Variants in SEMA6D observed in about 807,000 individuals in gnomAD.
The protein encoded by SEMA6D is semaphorin-6D.
In SEMA6D, 35 loss-of-function variants were observed where a neutral mutation model predicts 106.6. The ratio of observed to expected loss-of-function variants is 0.33; its 90% CI spans 0.25 to 0.44. The LOEUF is 0.44. Among genes scored for constraint, SEMA6D ranks in the 20% least tolerant of loss-of-function variants. The pLI, the probability that SEMA6D is intolerant of heterozygous loss-of-function variation, is 1.00. For synonymous variants in SEMA6D, 499 were observed against 487.7 expected (o/e 1.02, Z -0.31); for missense variants, 1,185 against 1,345.9 (o/e 0.88, Z 1.87).
intron 3 of SEMA6D, among the ~76,000 whole-genome samples, chr15:47,548,635 G>A (rs2045593576): frequency 6.6e-6 from 1 of 152,172 alleles, no homozygotes; most frequent in Non-Finnish European, 1.5e-5. Flanking sequence ...TGCAGAATGA[G>A]AGAATCCCCT....
intron 2 of SEMA6D, among the ~76,000 whole-genome samples, chr15:47,417,222 T>C (rs1242105679): frequency 1.3e-5 from 2 of 152,064 alleles, no homozygotes; most frequent in Non-Finnish European, 2.9e-5. Context: ...TCCAGAAACA[T>C]TTTAAAAGCT....
intron 4 of SEMA6D, among the ~76,000 whole-genome samples, chr15:47,691,975 C>T (rs553211277): frequency 1.8e-3 from 278 of 152,120 alleles, no homozygotes; most frequent in Admixed American, 3.1e-3. Context: ...CAATGAAACA[C>T]AAAGGATGGC....
At chr15:47,340,110 A>G (rs1415024502) in intron 1 of SEMA6D, among the ~76,000 whole-genome samples, 3 of 152,198 alleles carry the variant, frequency 2.0e-5, no homozygotes, top group Non-Finnish European at 4.4e-5. Context: ...AGCAAAGGCC[A>G]TGAGGTAGAG....
intron 1 of SEMA6D, among the ~76,000 whole-genome samples, chr15:47,255,055 A>T (rs1566954127): frequency 6.6e-6 from 1 of 152,074 alleles, no homozygotes; most frequent in African/African-American, 2.4e-5. Flanking sequence ...AACTCAGTAG[A>T]TATGTACCAT....
chr15:47,257,045 G>C (rs1311050897), intron 1 of SEMA6D, among the ~76,000 whole-genome samples: 1 of 142,390 alleles, frequency 7.0e-6, no homozygotes, highest in African/African-American at 2.5e-5. Flanking sequence ...GAATAACAGT[G>C]AGGAGAACAG....
At chr15:47,737,807 A>G (rs1749255830) in intron 1 of SEMA6D, among the ~76,000 whole-genome samples, 1 of 152,182 alleles carries the variant, frequency 6.6e-6, no homozygotes, top group African/African-American at 2.4e-5. Context: ...GTCAAAGGTT[A>G]GTTTTCTAAG....
chr15:47,620,970 C>T (rs2077087592), intron 4 of SEMA6D, among the ~76,000 whole-genome samples: 1 of 151,638 alleles, frequency 6.6e-6, no homozygotes, highest in Non-Finnish European at 1.5e-5. Context: ...TAGGAGATCC[C>T]TAATGAAGAA....
chr15:47,393,808 A>G (rs2040118802), intron 1 of SEMA6D, among the ~76,000 whole-genome samples: 1 of 152,238 alleles, frequency 6.6e-6, no homozygotes, highest in African/African-American at 2.4e-5. Context: ...ACACTGCATT[A>G]TTAACAATGT....
intron 4 of SEMA6D, among the ~76,000 whole-genome samples, chr15:47,614,467 C>T (rs1311879357): frequency 6.6e-6 from 1 of 152,218 alleles, no homozygotes; most frequent in African/African-American, 2.4e-5. Flanking sequence ...ATCCCTCTTT[C>T]TCTCCAGCTT....
intron 1 of SEMA6D, among the ~76,000 whole-genome samples, chr15:47,226,436 C>A (rs1025292725): frequency 6.6e-6 from 1 of 152,198 alleles, no homozygotes; most frequent in Non-Finnish European, 1.5e-5. Flanking sequence ...ACACAGACAT[C>A]AACCAAGAAG....
intron 1 of SEMA6D, among the ~76,000 whole-genome samples, chr15:47,195,477 T>C (rs1331647329): frequency 1.3e-5 from 2 of 152,202 alleles, no homozygotes; most frequent in African/African-American, 4.8e-5. Context: ...CTGATAACAT[T>C]ATAAGATAGG....
intron 1 of SEMA6D, among the ~76,000 whole-genome samples, chr15:47,308,318 G>A (rs2036310342): frequency 6.6e-6 from 1 of 152,066 alleles, no homozygotes; most frequent in African/African-American, 2.4e-5. Flanking sequence ...TTCCTTATAT[G>A]CCAAATGGGA....
chr15:47,423,608 A>G (rs375368352), intron 2 of SEMA6D, among the ~76,000 whole-genome samples: 3 of 152,096 alleles, frequency 2.0e-5, no homozygotes, highest in African/African-American at 7.2e-5. Context: ...AGGATAAAGA[A>G]ATCATTTTTT....
At chr15:47,224,504 A>G (rs1273472282) in intron 1 of SEMA6D, among the ~76,000 whole-genome samples, 1 of 152,132 alleles carries the variant, frequency 6.6e-6, no homozygotes, top group Admixed American at 6.6e-5. Flanking sequence ...TTTTACATAT[A>G]GGGAAACTGA....
intron 3 of SEMA6D, among the ~76,000 whole-genome samples, chr15:47,524,710 A>G (rs1202877795): frequency 6.6e-6 from 1 of 152,210 alleles, no homozygotes; most frequent in Non-Finnish European, 1.5e-5. Flanking sequence ...GCTCATGTTT[A>G]GCATTATCCT....
At chr15:47,378,572 T>TTACTAG (rs995848544) in intron 1 of SEMA6D, among the ~76,000 whole-genome samples, 10 of 152,308 alleles carry the variant, frequency 6.6e-5, no homozygotes, top group African/African-American at 2.4e-4. Context: ...GACAAACTTC[T>TTACTAG]TACTAGCTTG....
rs560018772 is a variant in SEMA6D, at chr15:47,596,055, C to CA, written c.-86-4803dup. 4.0e-5 allele frequency among the ~76,000 whole-genome samples: 6 copies of CA among 151,890 alleles called. No homozygotes were observed. The South Asian group carries it at 1.2e-3, about 32-fold the overall frequency. On this transcript the variant is annotated intron_variant, in intron 3 of 19. Transcript: ENST00000558014. ...GTATAGAAAACCCTAAACACCCTATCAAAAAAACCATTAGAACTGAAAAAC... is the reference window on the plus strand; with the variant it reads ...GTATAGAAAACCCTAAACACCCTATCAAAAAAAACCATTAGAACTGAAAAAC...
intron 1 of SEMA6D, among the ~76,000 whole-genome samples, chr15:47,295,934 G>C (rs1307565859): frequency 2.6e-5 from 4 of 152,148 alleles, no homozygotes; most frequent in Admixed American, 6.5e-5. Flanking sequence ...CAGGTGCCCA[G>C]TGCTGCCTCC....
Position 47,566,657 on chromosome 15 carries a change from C to G in SEMA6D, c.-86-34208C>G, listed in dbSNP as rs563783346. The stretch of plus-strand genomic sequence containing the variant: ...TAGAGATTAGAAAATCTGGACTGTA[C>G]CACTTACAGATTGCATGACTGTGAG... On this transcript the variant is annotated intron_variant, in intron 3 of 19. Transcript: ENST00000558014. Among the ~76,000 whole-genome samples the G allele has an allele frequency of 1.6e-3, 240 of 152,328 alleles. 1 individual carries two copies. The highest frequency in any genetic ancestry group is 2.8e-3 in the Admixed American group (43 of 15,302).
Sources: gnomAD v4.1 joint callset for allele counts (sites outside exome capture counted in the v4.1 genomes callset) on GRCh38, gnomAD v4.1.1 for gene constraint, MANE v1.5 for transcripts, NCBI Gene and HGNC (gene_info 2026-07-23, HGNC 2026-07-21) for gene names.